The following SLC39A11 variants were observed in gnomAD, a reference collection of about 807,000 sequenced individuals.
SLC39A11 encodes solute carrier family 39 member 11.
In SLC39A11, 33 loss-of-function variants were observed where a neutral mutation model predicts 36.1. The ratio of observed to expected loss-of-function variants is 0.91; its 90% CI spans 0.69 to 1.22. The LOEUF (loss-of-function observed/expected upper bound fraction) is 1.22, where lower values mean the gene tolerates loss of function less well. Among genes scored for constraint, SLC39A11 ranks in the 50% most tolerant of loss-of-function variants. The pLI, the probability that SLC39A11 is intolerant of heterozygous loss-of-function variation, is 0.00. For synonymous variants in SLC39A11, 166 were observed against 170.3 expected (o/e 0.97, Z 0.20); for missense variants, 432 against 430.3 (o/e 1.00, Z -0.03).
At chr17:72,814,517 A>G (rs1258293600) in intron 6 of SLC39A11, among the ~76,000 whole-genome samples, 1 of 152,172 alleles carries the variant, frequency 6.6e-6, no homozygotes, top group Admixed American at 6.5e-5. Flanking sequence ...CTCTGAACAC[A>G]TTGTGGAATA....
chr17:72,745,142 T>TCA lies in SLC39A11; in HGVS notation c.602-8425_602-8424dup, dbSNP rs578041695. ...CCGGCATGAGCCACTGCACCTGGCC[T>TCA]CACATTTTTGAGAAACACAAATGTT... On this transcript the variant is annotated intron_variant, in intron 6 of 9. Transcript: ENST00000255559. Among the ~76,000 whole-genome samples the TCA allele has an allele frequency of 1.1e-3, 173 of 152,308 alleles. 2 individuals are homozygous for TCA. The highest frequency in any genetic ancestry group is 6.8e-3 in the Middle Eastern group (2 of 294).
At chr17:72,660,993 G>T (rs1598260249) in intron 7 of SLC39A11, among the ~76,000 whole-genome samples, 1 of 152,216 alleles carries the variant, frequency 6.6e-6, no homozygotes, top group African/African-American at 2.4e-5. Flanking sequence ...ATAGCTGGAC[G>T]ACAAAAACTG....
At chr17:72,771,833 C>T (rs2144713673) in intron 6 of SLC39A11, among the ~76,000 whole-genome samples, 1 of 152,250 alleles carries the variant, frequency 6.6e-6, no homozygotes, top group Middle Eastern at 3.4e-3. Context: ...AATAATGCAA[C>T]AAACCAGTGA....
intron 7 of SLC39A11, among the ~76,000 whole-genome samples, chr17:72,662,533 GAGAGAA>G (rs2070488652): frequency 1.9e-5 from 2 of 107,506 alleles, no homozygotes; most frequent in African/African-American, 3.9e-5. Context: ...GAGAAAGAAA[GAGAGAA>G]AGAAAGAAAA....
At chr17:72,729,410 TATATA>T (rs2074071486) in intron 7 of SLC39A11, among the ~76,000 whole-genome samples, 1 of 2,332 alleles carries the variant, frequency 4.3e-4, no homozygotes, top group Admixed American at 6.7e-3. Flanking sequence ...GCTATTTATA[TATATA>T]TATATATATA....
chr17:72,691,444 C>T (rs1373610448), intron 7 of SLC39A11, among the ~76,000 whole-genome samples: 1 of 152,166 alleles, frequency 6.6e-6, no homozygotes, highest in Non-Finnish European at 1.5e-5. Context: ...AATGGTCCTT[C>T]CAGCAGACAG....
chr17:72,667,251 T>C (rs2070795545), intron 7 of SLC39A11, among the ~76,000 whole-genome samples: 1 of 152,094 alleles, frequency 6.6e-6, no homozygotes. Flanking sequence ...AACAGCGGCA[T>C]CTCCGTATGA....
chr17:72,700,976 C>T (rs2144563996), intron 7 of SLC39A11, among the ~76,000 whole-genome samples: 1 of 152,364 alleles, frequency 6.6e-6, no homozygotes, highest in South Asian at 2.1e-4. Flanking sequence ...TGGGTGGGAA[C>T]ATAGCCAAGC....
intron 4 of SLC39A11, among the ~76,000 whole-genome samples, chr17:73,009,011 G>T (rs1366447836): frequency 7.1e-6 from 1 of 141,468 alleles, no homozygotes; most frequent in Non-Finnish European, 1.5e-5. Flanking sequence ...GCAGTGAGCT[G>T]CCATTGCAAT....
At chr17:73,028,809 TAA>T (rs59124161) in intron 4 of SLC39A11, among the ~76,000 whole-genome samples, 16,658 of 141,460 alleles carry the variant, frequency 0.12, 1,439 homozygotes, top group East Asian at 0.44. Flanking sequence ...CCAAAAGGTT[TAA>T]AAAAAAAAAA....
intron 4 of SLC39A11, among the ~76,000 whole-genome samples, chr17:73,028,898 AC>A (rs2058650849): frequency 6.6e-6 from 1 of 151,830 alleles, no homozygotes; most frequent in Non-Finnish European, 1.5e-5. Context: ...TGGGAGGATC[AC>A]TTGAGGTCAG....
chr17:72,694,090 A>C (rs1359032705), intron 7 of SLC39A11, among the ~76,000 whole-genome samples: 1 of 152,126 alleles, frequency 6.6e-6, no homozygotes, highest in African/African-American at 2.4e-5. Context: ...AAGATAGAGG[A>C]GGTTGTGCTG....
rs35718904 is a variant in SLC39A11 at position 72,833,436 on chromosome 17, C to G, written c.601+16198G>C. On this transcript the variant is annotated intron_variant, in intron 6 of 9. Transcript: ENST00000255559. ...GCCAAAGAATAAAAAAAGGTCTACA[C>G]GATCAATGTCTGTCATTCCCACAGG... Among the ~76,000 whole-genome samples the G allele has an allele frequency of 8.0e-3, 1,222 of 152,322 alleles. 4 individuals carry two copies. Among genetic ancestry groups the G allele is most frequent in the Middle Eastern group, 0.037 (11 of 294 alleles).
At chr17:72,714,171 C>T (rs2073237765) in intron 7 of SLC39A11, among the ~76,000 whole-genome samples, 1 of 152,116 alleles carries the variant, frequency 6.6e-6, no homozygotes, top group Non-Finnish European at 1.5e-5. Flanking sequence ...GCCTGGCCAA[C>T]ATGGTGAAAC....
At chr17:72,740,139 T>C (rs2074620794) in intron 6 of SLC39A11, among the ~76,000 whole-genome samples, 1 of 143,354 alleles carries the variant, frequency 7.0e-6, no homozygotes, top group South Asian at 2.3e-4. Flanking sequence ...TTCGGCTCAC[T>C]GCAAGCTCCA....
chr17:73,076,991 T>A (rs987373964), intron 3 of SLC39A11, among the ~76,000 whole-genome samples: 1 of 151,934 alleles, frequency 6.6e-6, no homozygotes, highest in Non-Finnish European at 1.5e-5. Context: ...CTCTACCCAC[T>A]AGATACCCAC....
intron 6 of SLC39A11, among the ~76,000 whole-genome samples, chr17:72,822,574 C>T (rs1232455582): frequency 1.3e-5 from 2 of 150,992 alleles, no homozygotes; most frequent in East Asian, 3.9e-4. Flanking sequence ...TAACTTGTTT[C>T]CTGGAAACTG....
At chr17:72,892,164 C>T (rs2081783888) in intron 5 of SLC39A11, among the ~76,000 whole-genome samples, 1 of 152,218 alleles carries the variant, frequency 6.6e-6, no homozygotes, top group African/African-American at 2.4e-5. Flanking sequence ...CACCTGTAAT[C>T]TGGGAGGCCG....
At chr17:72,679,070 T>A (rs950114871) in intron 7 of SLC39A11, among the ~76,000 whole-genome samples, 8 of 152,062 alleles carry the variant, frequency 5.3e-5, no homozygotes, top group Non-Finnish European at 1.0e-4. Flanking sequence ...GCTACAAAAG[T>A]TGATCTCATG....
Sources: gnomAD v4.1 joint callset for allele counts (sites outside exome capture counted in the v4.1 genomes callset) on GRCh38, gnomAD v4.1.1 for gene constraint, MANE v1.5 for transcripts, NCBI Gene and HGNC (gene_info 2026-07-23, HGNC 2026-07-21) for gene names.